The following APC variants were observed in gnomAD, a reference collection of about 807,000 sequenced individuals.
APC encodes the protein adenomatous polyposis coli protein.
APC carries 72 observed loss-of-function variants against 247.0 expected under a neutral mutation model. That is an observed-to-expected ratio of 0.29 (90% CI 0.24 to 0.35). The LOEUF (loss-of-function observed/expected upper bound fraction) is 0.35, where lower values mean the gene tolerates loss of function less well. APC is among the 10% of genes least tolerant of loss of function. The pLI is 1.00. For missense variants in APC, 3,400 were observed against 3,360.7 expected, an observed-to-expected ratio of 1.01 and a Z score of -0.29; for synonymous variants, 1,254 against 1,162.5, an observed-to-expected ratio of 1.08 and a Z score of -1.60.
At position 112,838,755 on chromosome 5, in the gene APC, A is replaced by C. The variant is rs777538550; in HGVS notation, c.3161A>C (p.His1054Pro). ...SQNERWARPK[H>P]IIEDEIKQSE... is the part of the protein sequence containing the mutation. ...AATGAAAGATGGGCAAGACCCAAAC[A>C]CATAATAGAAGATGAAATAAAACAA... Residue 1054 changes from histidine (H) to proline (P), a missense_variant, in exon 16 of 16, where the codon CAC becomes CCC. His to Pro is a moderately conservative substitution (Grantham distance 77, BLOSUM62 -2). This residue lies in a region of APC where 715 missense variants were observed against 656.6 expected (regional missense o/e 1.09). Coordinates refer to ENST00000257430, the MANE Select transcript of APC (RefSeq NM_000038.6). The C allele has an allele frequency of 1.5e-5, 25 of 1,614,046 alleles. 1 individual carries two copies. The South Asian group carries it at 2.2e-4, about 14-fold the overall frequency.
intron 1 of APC, among the ~76,000 whole-genome samples, chr5:112,726,775 G>T (rs558563120): frequency 6.6e-6 from 1 of 152,220 alleles, no homozygotes; most frequent in Admixed American, 6.5e-5. Flanking sequence ...TGTATAAAAG[G>T]TGTATGACAC....
chr5:112,831,369 A>G (rs1390113792), intron 14 of APC, among the ~76,000 whole-genome samples: 2 of 152,220 alleles, frequency 1.3e-5, no homozygotes, highest in Admixed American at 6.5e-5. Flanking sequence ...GGCCTTCCAA[A>G]GTGCTGGGAT....
At chr5:112,762,150 A>G (rs1262680544) in intron 2 of APC, among the ~76,000 whole-genome samples, 1 of 152,240 alleles carries the variant, frequency 6.6e-6, no homozygotes, top group Non-Finnish European at 1.5e-5. Context: ...AAAGGGATTC[A>G]GCATCATTTG....
At chr5:112,828,517 A>T (rs983762077) in intron 13 of APC, among the ~76,000 whole-genome samples, 45 of 151,230 alleles carry the variant, frequency 3.0e-4, no homozygotes, top group Non-Finnish European at 5.4e-4. Flanking sequence ...CAGTGGTGCG[A>T]TTATGGCTCA....
At chr5:112,792,186 C>T (rs191868845) in intron 6 of APC, among the ~76,000 whole-genome samples, 4 of 151,700 alleles carry the variant, frequency 2.6e-5, no homozygotes, top group Admixed American at 6.6e-5. Context: ...GCGGAGGTTG[C>T]GGTGAGCTGA....
chr5:112,740,413 C>G (rs1196094697), intron 1 of APC, among the ~76,000 whole-genome samples: 2 of 151,596 alleles, frequency 1.3e-5, no homozygotes, highest in Non-Finnish European at 2.9e-5. Context: ...TTATTCACTG[C>G]TCTGATATGG....
At position 112,829,069 on chromosome 5, in the gene APC, G is replaced by C. The variant is rs1248941279; in HGVS notation, c.1743+97G>C. Reference sequence around the variant, plus strand: ...CATGAGATTTCCTAATTTCTTACCTGTGTATTATTCAGTACTATAATATGA... The same window carrying C: ...CATGAGATTTCCTAATTTCTTACCTCTGTATTATTCAGTACTATAATATGA... On this transcript the variant is annotated intron_variant, in intron 14 of 15. Transcript: ENST00000257430. 3.5e-6 allele frequency: 3 copies of C among 862,818 alleles called. No homozygotes were observed. In the African/African-American group the frequency reaches 5.0e-5, roughly 14 times the overall value. 53.4% of individuals were successfully genotyped at this position (862,818 alleles called of 1,614,324 possible). A position where few individuals can be genotyped will look rare whatever the true frequency, so the allele number is the denominator to read the frequency against.
chr5:112,812,418 T>C (rs1398059242), intron 8 of APC, among the ~76,000 whole-genome samples: 1 of 152,154 alleles, frequency 6.6e-6, no homozygotes, highest in Non-Finnish European at 1.5e-5. Context: ...ATCTATCCTT[T>C]ATTAGTTAGA....
At chr5:112,828,139 A>C in intron 13 of APC, 133 bp downstream of exon 13, 1 of 764,652 alleles carries the variant, frequency 1.3e-6, no homozygotes, top group Non-Finnish European at 2.3e-6. Context: ...GGGTTCAAGC[A>C]ATCCTCCCAC....
chr5:112,743,259 G>T (rs1339773188), intron 1 of APC, among the ~76,000 whole-genome samples: 1 of 151,846 alleles, frequency 6.6e-6, no homozygotes, highest in Non-Finnish European at 1.5e-5. Context: ...GATTACATTG[G>T]GTCCACCCAG....
Position 112,838,343 on chromosome 5 carries a change from G to A in APC, c.2749G>A (p.Asp917Asn), listed in dbSNP as rs1561579402. The A allele has an allele frequency of 6.2e-7, 1 of 1,614,232 alleles. No homozygotes were observed. Among genetic ancestry groups the A allele is most frequent in the Non-Finnish European group, 8.5e-7 (1 of 1,180,044 alleles). ...TACCACTGAATTACATTGTGTGACA[G>A]ATGAGAGAAATGCACTTAGAAGAAG... is the stretch of plus-strand genomic sequence containing the variant. The part of the protein sequence containing the change: ...GSTTELHCVT[D>N]ERNALRRSSA... Residue 917 changes from aspartate to asparagine, a missense_variant, in exon 16 of 16, where the codon GAT becomes AAT. Coordinates refer to ENST00000257430, the MANE Select transcript of APC (RefSeq NM_000038.6).
intron 1 of APC, among the ~76,000 whole-genome samples, chr5:112,723,878 G>A (rs562303577): frequency 3.9e-5 from 6 of 152,198 alleles, no homozygotes; most frequent in African/African-American, 1.4e-4. Context: ...CAATTAAAGT[G>A]GAAATTCCCT....
In APC at chr5:112,842,412, G is replaced by A. The variant is rs587781364; in HGVS notation, c.6818G>A (p.Gly2273Glu). ...CAAACAGCCACCACTTCTCCTAGAG[G>A]AGCCAAGCCATCTGTGAAATCAGAA... ...EGQTATTSPR[G>E]AKPSVKSELS... Residue 2273 changes from glycine (G) to glutamate (E), a missense_variant, in exon 16 of 16, where the codon GGA (glycine) becomes GAA (glutamate). Physicochemically the swap from Gly to Glu is moderately conservative, Grantham distance 98. Around this residue, in one of 9 missense-constraint regions of APC, gnomAD observed 1,788 missense variants for 1,649.5 expected, o/e 1.08. Transcript: ENST00000257430. 1 of 1,614,030 alleles carries A rather than the reference G, an allele frequency of 6.2e-7. No individual in the cohort carries two copies. The highest frequency in any genetic ancestry group is 8.5e-7 in the Non-Finnish European group (1 of 1,179,964).
chr5:112,842,751 A>G lies in APC; in HGVS notation c.7157A>G (p.Lys2386Arg), dbSNP rs1554088082. ...QNLTKQTGLSKNASSIPRSES... is the reference protein window; with the variant it reads ...QNLTKQTGLSRNASSIPRSES... ...CTTACCAAACAAACAGGTTTATCCA[A>G]GAATGCCAGTAGTATTCCAAGAAGT... is the stretch of plus-strand genomic sequence containing the variant. The change falls in exon 16 of 16, where the codon AAG (lysine) becomes AGG (arginine). Residue 2386 changes from lysine (K) to arginine (R), a missense_variant. Physicochemically the swap from Lys to Arg is conservative, Grantham distance 26. Around this residue, in one of 9 missense-constraint regions of APC, gnomAD observed 1,788 missense variants for 1,649.5 expected, o/e 1.08. Coordinates refer to ENST00000257430, the MANE Select transcript of APC (RefSeq NM_000038.6). The G allele has an allele frequency of 6.2e-7, 1 of 1,614,048 alleles. No homozygotes were observed. Among genetic ancestry groups the G allele is most frequent in the Non-Finnish European group, 8.5e-7 (1 of 1,179,910 alleles).
intron 7 of APC, among the ~76,000 whole-genome samples, chr5:112,799,985 C>A (rs916596877): frequency 6.6e-6 from 1 of 152,180 alleles, no homozygotes; most frequent in African/African-American, 2.4e-5. Flanking sequence ...TATATCATAT[C>A]TCTCTGTTAT....
intron 7 of APC, among the ~76,000 whole-genome samples, chr5:112,798,581 C>T (rs1193126596): frequency 6.6e-6 from 1 of 152,056 alleles, no homozygotes; most frequent in East Asian, 1.9e-4. Context: ...CAAGTTCTAT[C>T]ACCTAGAGTA....
chr5:112,788,841 C>A (rs75085438), intron 6 of APC, among the ~76,000 whole-genome samples: 1 of 152,152 alleles, frequency 6.6e-6, no homozygotes, highest in Non-Finnish European at 1.5e-5. Context: ...GTTTAAGATT[C>A]TATACACTGT....
chr5:112,844,560 C>T lies in APC; in HGVS notation c.*434C>T, dbSNP rs12189. The T allele has an allele frequency of 0.062, 14,752 of 237,050 alleles. 983 individuals are homozygous for T. Among genetic ancestry groups the T allele is most frequent in the African/African-American group, 0.18 (8,269 of 45,310 alleles). 14.7% of individuals were successfully genotyped at this position (237,050 alleles called of 1,614,324 possible). Reference sequence around the variant, plus strand: ...AAAAAATGTTTTTGTCCTTGTGAGTCCATCTAACATCATAATTAATCATGT... The same window carrying T: ...AAAAAATGTTTTTGTCCTTGTGAGTTCATCTAACATCATAATTAATCATGT... On this transcript the variant is annotated 3_prime_UTR_variant, in exon 16 of 16. Coordinates refer to ENST00000257430, the MANE Select transcript of APC (RefSeq NM_000038.6).
intron 6 of APC, among the ~76,000 whole-genome samples, chr5:112,782,377 A>G (rs548824389): frequency 5.3e-5 from 8 of 152,284 alleles, no homozygotes; most frequent in Admixed American, 6.5e-5. Flanking sequence ...CAGCCAAACC[A>G]TATCACCCAG....
Sources: allele counts gnomAD v4.1 joint callset (sites outside exome capture counted in the v4.1 genomes callset), GRCh38; gene constraint gnomAD v4.1.1; regional missense constraint gnomAD v4.1.1; transcripts MANE v1.5; gene names NCBI Gene and HGNC (gene_info 2026-07-23, HGNC 2026-07-21).